ACTMAP: variants seen among roughly 807,000 people sequenced by gnomAD.
ACTMAP encodes the protein actin maturation protease.
At chr19:40,749,016 A>G in the ACTMAP span, among the ~76,000 whole-genome samples, 3 of 129,886 alleles carry the variant, frequency 2.3e-5, no homozygotes, top group African/African-American at 6.0e-5. Context: ...TTTGAGACAG[A>G]GTCTTGCTCT....
At chr19:40,743,999 A>G in the ACTMAP span, 1 of 1,613,932 alleles carries the variant, frequency 6.2e-7, no homozygotes, top group East Asian at 2.2e-5. Flanking sequence ...TAAGGTAAAA[A>G]CGATGGTGTG....
the ACTMAP span, chr19:40,744,784 C>A: frequency 9.0e-6 from 13 of 1,448,244 alleles, no homozygotes; most frequent in African/African-American, 1.9e-4. Context: ...GAGTCCCCCT[C>A]CCCTCTCCCA....
the ACTMAP span, chr19:40,743,787 T>C: frequency 3.3e-5 from 43 of 1,300,118 alleles, no homozygotes; most frequent in Non-Finnish European, 4.6e-5. Flanking sequence ...CCGGTGCTAA[T>C]GCTAAGTGCC....
chr19:40,744,479 C>T, the ACTMAP span: 4 of 1,564,520 alleles, frequency 2.6e-6, no homozygotes, highest in Admixed American at 3.7e-5. Flanking sequence ...CACCCTGACA[C>T]ACGGCTGCCA....
chr19:40,746,342 C>T, the ACTMAP span, among the ~76,000 whole-genome samples: 1 of 152,054 alleles, frequency 6.6e-6, no homozygotes, highest in Admixed American at 6.6e-5. Flanking sequence ...GCCTCAGCCT[C>T]CTGAGTAGCT....
chr19:40,746,521 T>G, the ACTMAP span, among the ~76,000 whole-genome samples: 1 of 151,684 alleles, frequency 6.6e-6, no homozygotes, highest in Non-Finnish European at 1.5e-5. Flanking sequence ...GACTGCAGGC[T>G]CCCGCCACCA....
At chr19:40,748,614 C>T in the ACTMAP span, among the ~76,000 whole-genome samples, 1 of 152,182 alleles carries the variant, frequency 6.6e-6, no homozygotes, top group Non-Finnish European at 1.5e-5. Flanking sequence ...AGGGCTCCCC[C>T]GTGCCCTCAG....
chr19:40,742,566 C>T, the ACTMAP span: 6 of 1,602,820 alleles, frequency 3.7e-6, no homozygotes, highest in Admixed American at 1.0e-4. Context: ...CTGCAGGTTG[C>T]TCTCCCGGAC....
the ACTMAP span, chr19:40,741,759 A>G: frequency 8.8e-6 from 4 of 456,692 alleles, no homozygotes; most frequent in South Asian, 4.6e-5. Flanking sequence ...CAGTCTTGCC[A>G]TCTGTCAAAT....
chr19:40,750,031 G>T, the ACTMAP span: 2 of 428,604 alleles, frequency 4.7e-6, no homozygotes, highest in African/African-American at 4.1e-5. Context: ...ACAGGGTGGG[G>T]TCCTTAAATC....
chr19:40,741,882 G>C, the ACTMAP span: 1 of 454,884 alleles, frequency 2.2e-6, no homozygotes, highest in Non-Finnish European at 4.4e-6. Context: ...GACATGAGGT[G>C]GGGGAGGGGT....
the ACTMAP span, chr19:40,743,818 C>T: frequency 6.5e-7 from 1 of 1,531,842 alleles, no homozygotes; most frequent in Non-Finnish European, 9.0e-7. Flanking sequence ...GGGGAGGCAC[C>T]AGCACAAGGG....
At chr19:40,746,525 G>A in the ACTMAP span, among the ~76,000 whole-genome samples, 1 of 151,844 alleles carries the variant, frequency 6.6e-6, no homozygotes, top group Non-Finnish European at 1.5e-5. Context: ...GCAGGCTCCC[G>A]CCACCACACC....
At chr19:40,745,255 T>A in the ACTMAP span, 3 of 1,527,412 alleles carry the variant, frequency 2.0e-6, no homozygotes, top group Non-Finnish European at 2.7e-6. Flanking sequence ...CCCCCTACCC[T>A]GAGGTCTGGC....
chr19:40,743,627 G>A, the ACTMAP span, among the ~76,000 whole-genome samples: 3 of 152,210 alleles, frequency 2.0e-5, no homozygotes, highest in Non-Finnish European at 4.4e-5. Flanking sequence ...GAAAGGAGCT[G>A]TCCAGAGAGG....
chr19:40,744,032 A>T, the ACTMAP span: 1 of 1,613,816 alleles, frequency 6.2e-7, no homozygotes, highest in Non-Finnish European at 8.5e-7. Context: ...ACCCTTTGCC[A>T]CCCCTGCCCT....
the ACTMAP span, among the ~76,000 whole-genome samples, chr19:40,746,979 A>T: frequency 6.6e-6 from 1 of 151,362 alleles, no homozygotes. Flanking sequence ...GCTAATTTTT[A>T]TATTTTTGGT....
the ACTMAP span, chr19:40,742,499 C>A: frequency 2.0e-6 from 3 of 1,515,268 alleles, no homozygotes; most frequent in Non-Finnish European, 2.7e-6. Flanking sequence ...GTACCCCACC[C>A]ACGGGCACCA....
At chr19:40,743,234 ATT>A in the ACTMAP span, among the ~76,000 whole-genome samples, 238 of 138,400 alleles carry the variant, frequency 1.7e-3, 1 homozygote, top group Admixed American at 1.6e-3. Flanking sequence ...GCCCTGTTCT[ATT>A]TTTTTTTTTT....
Sources: gnomAD v4.1 joint callset for allele counts (sites outside exome capture counted in the v4.1 genomes callset) on GRCh38, gnomAD v4.1.1 for gene constraint, MANE v1.5 for transcripts, NCBI Gene and HGNC (gene_info 2026-07-23, HGNC 2026-07-21) for gene names.